The following SLC35A5 variants were observed in gnomAD, a reference collection of about 807,000 sequenced individuals.
SLC35A5 encodes the protein solute carrier family 35 member A5.
SLC35A5 carries 28 observed loss-of-function variants against 36.3 expected under a neutral mutation model. The observed-to-expected ratio is 0.77, with a 90% CI of 0.57 to 1.06. The LOEUF (loss-of-function observed/expected upper bound fraction) is 1.06, where lower values mean the gene tolerates loss of function less well. Ranked by LOEUF, SLC35A5 falls within the 50% of genes least tolerant of loss-of-function variation. The pLI, the probability that SLC35A5 is intolerant of heterozygous loss-of-function variation, is 0.00. For synonymous variants in SLC35A5, 180 were observed against 173.7 expected, an observed-to-expected ratio of 1.04 and a Z score of -0.29; for missense variants, 521 against 499.3, an observed-to-expected ratio of 1.04 and a Z score of -0.41.
intron 5 of SLC35A5, among the ~76,000 whole-genome samples, chr3:112,578,406 G>A (rs1440291363): frequency 6.6e-6 from 1 of 152,214 alleles, no homozygotes; most frequent in Non-Finnish European, 1.5e-5. Flanking sequence ...TCACTTGGGA[G>A]GAGAGGCCCT....
At chr3:112,565,038 C>G (rs1934132494) in intron 2 of SLC35A5, among the ~76,000 whole-genome samples, 1 of 152,186 alleles carries the variant, frequency 6.6e-6, no homozygotes, top group Non-Finnish European at 1.5e-5. Flanking sequence ...CATGATATGA[C>G]CTTTAATGGT....
At chr3:112,581,529 A>T (rs1159480072) in intron 6 of SLC35A5, among the ~76,000 whole-genome samples, 1 of 152,186 alleles carries the variant, frequency 6.6e-6, no homozygotes, top group East Asian at 1.9e-4. Flanking sequence ...GAGAAAAAGT[A>T]TAAGTCAATC....
rs1187964329 is a variant in SLC35A5 at position 112,569,274 on chromosome 3, G to A, written c.229+5G>A. On this transcript the variant is annotated splice_donor_5th_base_variant and intron_variant, in intron 3 of 6. Transcript: ENST00000492406. ...CATTCTGTGTTATAAAGAAAGGTAA[G>A]TCTTGAAATGGTACTATATACTTGT... The A allele has an allele frequency of 3.1e-6, 5 of 1,610,896 alleles. No homozygotes were observed. In the South Asian group the frequency reaches 3.3e-5, roughly 11 times the overall value.
intron 2 of SLC35A5, among the ~76,000 whole-genome samples, chr3:112,567,148 C>T (rs1360472576): frequency 6.6e-6 from 1 of 151,928 alleles, no homozygotes; most frequent in African/African-American, 2.4e-5. Context: ...ATGACGTGAA[C>T]CTGGGAGGTG....
intron 2 of SLC35A5, among the ~76,000 whole-genome samples, chr3:112,565,210 A>G (rs1452228306): frequency 6.6e-6 from 1 of 152,230 alleles, no homozygotes; most frequent in Non-Finnish European, 1.5e-5. Context: ...TAAACACATC[A>G]TGAAAATCCA....
intron 2 of SLC35A5, among the ~76,000 whole-genome samples, chr3:112,567,739 A>G (rs1576746260): frequency 1.3e-5 from 2 of 152,336 alleles, no homozygotes; most frequent in East Asian, 3.9e-4. Context: ...GAGGGAAATC[A>G]CATACCATGT....
At chr3:112,571,429 G>A (rs893410118) in intron 4 of SLC35A5, among the ~76,000 whole-genome samples, 2 of 152,084 alleles carry the variant, frequency 1.3e-5, no homozygotes, top group African/African-American at 4.8e-5. Flanking sequence ...GTAAATTCAG[G>A]CATTTGATTA....
chr3:112,570,425 A>C (rs1934385909), intron 3 of SLC35A5, 115 bp from the exon 4 acceptor site: 1 of 1,168,498 alleles, frequency 8.6e-7, no homozygotes, highest in African/African-American at 1.5e-5. Flanking sequence ...AATGAAATGG[A>C]GGCACGTTTA....
In SLC35A5 at chr3:112,570,569, T is replaced by C. The variant is rs150028685; in HGVS notation, c.259T>C (p.Ser87Pro). The stretch of plus-strand genomic sequence containing the variant: ...TCAAAGTAGAAATTTGAAATATGCT[T>C]CCTGGAAGGAATTCTCTGATTTCAT... ...DHQSRNLKYA[S>P]WKEFSDFMKW... Residue 87 changes from serine (S) to proline (P), a missense_variant, in exon 4 of 7, where the codon TCC (serine) becomes CCC (proline). Coordinates refer to ENST00000492406, the MANE Select transcript of SLC35A5 (RefSeq NM_017945.5). 2.8e-4 allele frequency: 451 copies of C among 1,609,644 alleles called. No individual in the cohort carries two copies. The African/African-American group carries it at 5.1e-3, about 18-fold the overall frequency.
At chr3:112,575,745 A>G (rs1012447990) in intron 5 of SLC35A5, among the ~76,000 whole-genome samples, 1 of 150,150 alleles carries the variant, frequency 6.7e-6, no homozygotes, top group African/African-American at 2.5e-5. Context: ...AATGCCTTTT[A>G]AGTATTTTAT....
In SLC35A5 at chr3:112,580,832, C is replaced by T; in HGVS notation, c.715C>T (p.Gln239Ter). 6.2e-7 allele frequency: 1 copy of T among 1,614,124 alleles called. No individual in the cohort carries two copies. The highest frequency in any genetic ancestry group is 1.3e-5 in the African/African-American group (1 of 75,044). Residue 239 changes from glutamine (Q) to a stop codon, truncating the protein, a stop_gained, in exon 6 of 7, where the codon CAG becomes TAG. Transcript: ENST00000492406. LOFTEE classifies it high-confidence loss of function. ...LGMGHVLIIVQCFISSMANIY... is the reference protein window; with the variant it reads ...LGMGHVLIIV ...CATGGGCCATGTTCTTATTATAGTCCAGTGTTTTATTTCTTCAATGGCTAA... is the reference window on the plus strand; with the variant it reads ...CATGGGCCATGTTCTTATTATAGTCTAGTGTTTTATTTCTTCAATGGCTAA...
upstream of SLC35A5, chr3:112,561,627 CA>C: frequency 1.6e-6 from 2 of 1,244,354 alleles, no homozygotes; most frequent in Non-Finnish European, 2.3e-6. Context: ...CACCGACTCG[CA>C]TCAGCACCCG....
Position 112,582,908 on chromosome 3 carries a change from G to T in SLC35A5, c.*172G>T. ...CATCCAAGGCTTAGAGTACCCAAAG[G>T]CTAAGAAATTCTAAAGAACTGATAC... On this transcript the variant is annotated 3_prime_UTR_variant, in exon 7 of 7. Transcript: ENST00000492406. 1.9e-6 allele frequency: 1 copy of T among 531,326 alleles called. No homozygotes were observed. Among genetic ancestry groups the T allele is most frequent in the Admixed American group, 3.5e-5 (1 of 28,432 alleles). 32.9% of individuals were successfully genotyped at this position (531,326 alleles called of 1,614,324 possible).
rs1374643927 is a variant in SLC35A5 at position 112,581,152 on chromosome 3, A to AGTGTCTGTCCT, written c.1037_1047dup (p.Val350CysfsTer48). On this transcript the variant is annotated frameshift_variant, in exon 6 of 7. Transcript: ENST00000492406. LOFTEE classifies it high-confidence loss of function. ...AGGTTACCACTGTCATTATCACAAC[A>AGTGTCTGTCCT]GTGTCTGTCCTGGTCTTTGACTTCA... is the stretch of plus-strand genomic sequence containing the variant. 2 of 1,613,876 alleles carry AGTGTCTGTCCT rather than the reference A, an allele frequency of 1.2e-6. No homozygotes were observed. The highest frequency in any genetic ancestry group is 1.7e-6 in the Non-Finnish European group (2 of 1,179,952).
At position 112,580,604 on chromosome 3, in the gene SLC35A5, G is replaced by T. The variant is rs756667447; in HGVS notation, c.487G>T (p.Ala163Ser). ...CCTGACTTTATTTTTGTCTATTGTG[G>T]CCTTGACTGCCGGGACTAAAACTTT... is the stretch of plus-strand genomic sequence containing the variant. ...SLLTLFLSIV[A>S]LTAGTKTLQH... is the part of the protein sequence containing the mutation. Residue 163 changes from alanine to serine, a missense_variant, in exon 6 of 7, where the codon GCC (alanine) becomes TCC (serine). Physicochemically the swap from Ala to Ser is moderately conservative, Grantham distance 99. Coordinates refer to ENST00000492406, the MANE Select transcript of SLC35A5 (RefSeq NM_017945.5). 4 of 1,614,056 alleles carry T rather than the reference G, an allele frequency of 2.5e-6. No individual in the cohort carries two copies. The highest frequency in any genetic ancestry group is 3.4e-6 in the Non-Finnish European group (4 of 1,179,944).
intron 6 of SLC35A5, among the ~76,000 whole-genome samples, chr3:112,582,253 T>G (rs1181844205): frequency 6.6e-6 from 1 of 152,126 alleles, no homozygotes; most frequent in African/African-American, 2.4e-5. Context: ...AATTAGGATC[T>G]TGAGTTTCGG....
At chr3:112,561,556 G>A (rs1306051754), upstream of SLC35A5, 9 of 1,601,130 alleles carry the variant, frequency 5.6e-6, no homozygotes, top group Admixed American at 5.1e-5. Flanking sequence ...GGCCGGCCCC[G>A]CGACGGGATG....
Position 112,582,725 on chromosome 3 carries a change from G to T in SLC35A5, c.1264G>T (p.Asp422Tyr). ...TKPKSDESDEDTF is the reference protein window; with the variant it reads ...TKPKSDESDEYTF Reference sequence around the variant, plus strand: ...ACCCAAGAGTGATGAGTCAGATGAAGATACTTTCTAACTGGTACCCACATA... The same window carrying T: ...ACCCAAGAGTGATGAGTCAGATGAATATACTTTCTAACTGGTACCCACATA... The change falls in exon 7 of 7, where the codon GAT (aspartate) becomes TAT (tyrosine). Residue 422 changes from aspartate to tyrosine, a missense_variant. By Grantham distance (160) the Asp-to-Tyr change is radical. Transcript: ENST00000492406. 6.2e-7 allele frequency: 1 copy of T among 1,611,964 alleles called. No individual in the cohort carries two copies. Among genetic ancestry groups the T allele is most frequent in the Non-Finnish European group, 8.5e-7 (1 of 1,178,544 alleles).
Position 112,583,432 on chromosome 3 carries a change from G to A in SLC35A5, c.*696G>A, listed in dbSNP as rs1935021845. On this transcript the variant is annotated 3_prime_UTR_variant, in exon 7 of 7. Coordinates refer to ENST00000492406, the MANE Select transcript of SLC35A5 (RefSeq NM_017945.5). Reference sequence around the variant, plus strand: ...TCCCTAGTCACCATAGTTACCACTTGTATTTTAAGTCATTTAAACAAGCCA... The same window carrying A: ...TCCCTAGTCACCATAGTTACCACTTATATTTTAAGTCATTTAAACAAGCCA... The A allele has an allele frequency of 3.6e-6, 1 of 280,070 alleles. No homozygotes were observed. The highest frequency in any genetic ancestry group is 6.6e-6 in the Non-Finnish European group (1 of 151,712). 17.3% of individuals were successfully genotyped at this position (280,070 alleles called of 1,614,324 possible). A position where few individuals can be genotyped will look rare whatever the true frequency, so the allele number is the denominator to read the frequency against.
Sources: gnomAD v4.1 joint callset for allele counts (sites outside exome capture counted in the v4.1 genomes callset) on GRCh38, gnomAD v4.1.1 for gene constraint, MANE v1.5 for transcripts, NCBI Gene and HGNC (gene_info 2026-07-23, HGNC 2026-07-21) for gene names.